Variants in DKK2 observed in about 807,000 individuals in gnomAD.
The protein encoded by DKK2 is dickkopf-related protein 2.
A neutral mutation model predicts 28.1 loss-of-function variants in DKK2; 11 were observed. The observed-to-expected ratio is 0.39, with a 90% CI of 0.25 to 0.65. The LOEUF (loss-of-function observed/expected upper bound fraction) is 0.65, where lower values mean the gene tolerates loss of function less well. Among genes scored for constraint, DKK2 ranks in the 30% least tolerant of loss-of-function variants. The pLI, the probability that DKK2 is intolerant of heterozygous loss-of-function variation, is 0.47. For missense variants in DKK2, 326 were observed against 335.5 expected (o/e 0.97, Z 0.22); for synonymous variants, 135 against 126.5 (o/e 1.07, Z -0.45).
chr4:107,008,131 A>T (rs540067014), intron 1 of DKK2, among the ~76,000 whole-genome samples: 2 of 152,274 alleles, frequency 1.3e-5, no homozygotes, highest in African/African-American at 4.8e-5. Context: ...ATTAAAACCC[A>T]TGAAGGCCAC....
At chr4:106,980,519 G>A (rs1343040509) in intron 1 of DKK2, among the ~76,000 whole-genome samples, 1 of 152,128 alleles carries the variant, frequency 6.6e-6, no homozygotes, top group Non-Finnish European at 1.5e-5. Flanking sequence ...TCTGCATTAT[G>A]TTAGATAACT....
intron 1 of DKK2, among the ~76,000 whole-genome samples, chr4:106,960,014 G>A (rs1434558631): frequency 1.3e-5 from 2 of 151,466 alleles, no homozygotes; most frequent in Non-Finnish European, 2.9e-5. Flanking sequence ...TAGATATCTA[G>A]ATATCCTTTT....
At chr4:106,927,799 T>G (rs567327432) in intron 1 of DKK2, among the ~76,000 whole-genome samples, 1 of 152,216 alleles carries the variant, frequency 6.6e-6, no homozygotes, top group Non-Finnish European at 1.5e-5. Flanking sequence ...TCATTTACAT[T>G]TATTTCATCA....
chr4:106,940,412 C>T (rs1376914833), intron 1 of DKK2, among the ~76,000 whole-genome samples: 4 of 151,310 alleles, frequency 2.6e-5, no homozygotes, highest in African/African-American at 7.3e-5. Context: ...CAATGAGATA[C>T]CATCTCACAC....
At chr4:106,969,312 G>A (rs973955169) in intron 1 of DKK2, among the ~76,000 whole-genome samples, 2 of 150,644 alleles carry the variant, frequency 1.3e-5, no homozygotes, top group Non-Finnish European at 3.0e-5. Context: ...ACATACTCAG[G>A]GCTCATCTCA....
At chr4:106,937,994 T>G (rs1291520470) in intron 1 of DKK2, among the ~76,000 whole-genome samples, 1 of 140,814 alleles carries the variant, frequency 7.1e-6, no homozygotes, top group Non-Finnish European at 1.5e-5. Flanking sequence ...TTTATAGCAC[T>G]AAATGCCCAC....
intron 1 of DKK2, among the ~76,000 whole-genome samples, chr4:106,930,120 A>G (rs1560573921): frequency 6.6e-6 from 1 of 152,204 alleles, no homozygotes; most frequent in East Asian, 1.9e-4. Context: ...AAAGCTGTGA[A>G]CAGTATTTTC....
chr4:106,957,499 A>C, intron 1 of DKK2, among the ~76,000 whole-genome samples: 1 of 152,076 alleles, frequency 6.6e-6, no homozygotes, highest in African/African-American at 2.4e-5. Flanking sequence ...ACTTGGAACC[A>C]ACCCAAATGT....
chr4:106,925,586 A>T (rs983446812), intron 2 of DKK2, among the ~76,000 whole-genome samples: 5 of 152,224 alleles, frequency 3.3e-5, no homozygotes, highest in African/African-American at 1.2e-4. Context: ...AATATTCTAG[A>T]TCAGTGTAGG....
At chr4:106,932,582 T>C (rs893647147) in intron 1 of DKK2, among the ~76,000 whole-genome samples, 1 of 152,156 alleles carries the variant, frequency 6.6e-6, no homozygotes, top group African/African-American at 2.4e-5. Flanking sequence ...TTGTTTTTGT[T>C]TGTTTTAGAC....
intron 1 of DKK2, among the ~76,000 whole-genome samples, chr4:106,980,559 T>C (rs765757771): frequency 6.6e-6 from 1 of 152,198 alleles, no homozygotes; most frequent in Non-Finnish European, 1.5e-5. Flanking sequence ...GTAATAGTTC[T>C]GTGAGAATTT....
At chr4:106,987,196 T>G (rs145316046) in intron 1 of DKK2, among the ~76,000 whole-genome samples, 2,862 of 152,336 alleles carry the variant, frequency 0.019, 42 homozygotes, top group South Asian at 0.028. Context: ...TATGTGTGTA[T>G]GCAAGTGGCT....
chr4:107,011,880 T>C (rs1190742180), intron 1 of DKK2, among the ~76,000 whole-genome samples: 1 of 151,426 alleles, frequency 6.6e-6, no homozygotes, highest in East Asian at 1.9e-4. Context: ...TTAGTATTAT[T>C]AATGAAAAGA....
chr4:107,033,299 A>G (rs1209962077), intron 1 of DKK2, among the ~76,000 whole-genome samples: 3 of 152,238 alleles, frequency 2.0e-5, no homozygotes, highest in Admixed American at 1.3e-4. Context: ...TGAAAGGCAT[A>G]TAAGAAATTC....
chr4:106,959,281 T>TAAA (rs1203788610), intron 1 of DKK2, among the ~76,000 whole-genome samples: 3 of 152,176 alleles, frequency 2.0e-5, no homozygotes, highest in Admixed American at 1.3e-4. Flanking sequence ...AAGCTCATTT[T>TAAA]ATTAAGCTGT....
In DKK2 at chr4:107,005,340, C is replaced by CAA. The variant is rs35333301; in HGVS notation, c.222+30028_222+30029dup. Reference sequence around the variant, plus strand: ...TGGGTGACAGAGGGAGACTTGGTCTCAAAAAAAAAAAAAAAAAAAAACAAA... The same window carrying CAA: ...TGGGTGACAGAGGGAGACTTGGTCTCAAAAAAAAAAAAAAAAAAAAAAACAAA... On this transcript the variant is annotated intron_variant, in intron 1 of 3. Coordinates refer to ENST00000285311, the MANE Select transcript of DKK2 (RefSeq NM_014421.3). 8.2e-3 allele frequency among the ~76,000 whole-genome samples: 586 copies of CAA among 71,492 alleles called. 9 individuals are homozygous for CAA. Among genetic ancestry groups the CAA allele is most frequent in the East Asian group, 0.058 (133 of 2,306 alleles). 46.9% of individuals were successfully genotyped at this position (71,492 alleles called of 152,430 possible).
At chr4:106,954,347 CTTCT>C (rs1722553888) in intron 1 of DKK2, among the ~76,000 whole-genome samples, 1 of 152,002 alleles carries the variant, frequency 6.6e-6, no homozygotes, top group East Asian at 1.9e-4. Context: ...AGTATTATCA[CTTCT>C]TTATTTTTTT....
intron 1 of DKK2, among the ~76,000 whole-genome samples, chr4:107,011,278 T>C (rs1723513329): frequency 6.6e-6 from 1 of 151,562 alleles, no homozygotes; most frequent in African/African-American, 2.4e-5. Context: ...ACTGTGATTT[T>C]GTAATATCAT....
intron 2 of DKK2, 34 bp from the exon 3 acceptor site, chr4:106,924,734 C>A: frequency 7.5e-6 from 12 of 1,592,538 alleles, no homozygotes; most frequent in South Asian, 1.1e-5. Flanking sequence ...TAGACTAATT[C>A]AATTCTATGA....
Sources: gnomAD v4.1 joint callset for allele counts (sites outside exome capture counted in the v4.1 genomes callset) on GRCh38, gnomAD v4.1.1 for gene constraint, MANE v1.5 for transcripts, NCBI Gene and HGNC (gene_info 2026-07-23, HGNC 2026-07-21) for gene names.